TCERG1L: variants seen among roughly 807,000 people sequenced by gnomAD.
TCERG1L encodes the protein transcription elongation regulator 1-like protein.
In TCERG1L, 37 loss-of-function variants were observed where a neutral mutation model predicts 56.3. The observed-to-expected ratio is 0.66, with a 90% CI of 0.51 to 0.87. TCERG1L has a LOEUF of 0.87. Ranked by LOEUF, TCERG1L falls within the 40% of genes least tolerant of loss-of-function variation. The pLI is 0.00. For missense variants in TCERG1L, 799 were observed against 774.2 expected, an observed-to-expected ratio of 1.03 and a Z score of -0.38; for synonymous variants, 324 against 326.3, an observed-to-expected ratio of 0.99 and a Z score of 0.08.
At chr10:131,284,499 G>GA (rs1050121154) in intron 3 of TCERG1L, among the ~76,000 whole-genome samples, 12 of 148,504 alleles carry the variant, frequency 8.1e-5, no homozygotes, top group South Asian at 2.2e-4. Flanking sequence ...TTTAGGGGAA[G>GA]AAAAAAAAAC....
At chr10:131,246,420 G>A (rs1846038081) in intron 4 of TCERG1L, among the ~76,000 whole-genome samples, 1 of 152,132 alleles carries the variant, frequency 6.6e-6, no homozygotes, top group South Asian at 2.1e-4. Flanking sequence ...TCAGGCCAGG[G>A]TGGGACCCAG....
intron 7 of TCERG1L, among the ~76,000 whole-genome samples, chr10:131,142,759 T>C (rs1177649323): frequency 2.0e-5 from 3 of 152,160 alleles, no homozygotes; most frequent in African/African-American, 7.2e-5. Flanking sequence ...AAATTCCCTC[T>C]TCTGTAAAGC....
intron 3 of TCERG1L, among the ~76,000 whole-genome samples, chr10:131,263,526 T>C (rs1589765672): frequency 1.3e-5 from 2 of 152,212 alleles, no homozygotes; most frequent in Admixed American, 6.5e-5. Flanking sequence ...TATCATTACA[T>C]GGCCTTCAAA....
In TCERG1L at chr10:131,111,134, C is replaced by T. The variant is rs766821876; in HGVS notation, c.1395+5665G>A. 2.8e-4 allele frequency among the ~76,000 whole-genome samples: 40 copies of T among 143,316 alleles called. 7 individuals carry two copies. Among genetic ancestry groups the T allele is most frequent in the East Asian group, 7.1e-4 (3 of 4,248 alleles). 94.0% of individuals were successfully genotyped at this position (143,316 alleles called of 152,430 possible). A position where few individuals can be genotyped will look rare whatever the true frequency, so the allele number is the denominator to read the frequency against. ...CCTTGAGAGGGCCTCAGATCAGGGGCGCAGTCCACGGCCTCTCCAAGGAAA... is the reference window on the plus strand; with the variant it reads ...CCTTGAGAGGGCCTCAGATCAGGGGTGCAGTCCACGGCCTCTCCAAGGAAA... On this transcript the variant is annotated intron_variant, in intron 9 of 11. Coordinates refer to ENST00000368642, the MANE Select transcript of TCERG1L (RefSeq NM_174937.4).
chr10:131,116,680 A>T (rs1845462100), intron 9 of TCERG1L, 119 bp downstream of exon 9: 15 of 1,348,528 alleles, frequency 1.1e-5, no homozygotes, highest in Non-Finnish European at 1.5e-5. Flanking sequence ...AGGCCAGGAC[A>T]GTCACTCAGC....
At chr10:131,224,908 A>T (rs1845776071) in intron 4 of TCERG1L, among the ~76,000 whole-genome samples, 1 of 152,234 alleles carries the variant, frequency 6.6e-6, no homozygotes, top group African/African-American at 2.4e-5. Flanking sequence ...ATGGAATAAT[A>T]AGTAGAATGT....
intron 4 of TCERG1L, among the ~76,000 whole-genome samples, chr10:131,211,484 T>C (rs1845619127): frequency 1.3e-5 from 2 of 152,204 alleles, no homozygotes; most frequent in Non-Finnish European, 2.9e-5. Flanking sequence ...GAACCCCTTC[T>C]ATTTAGTTAC....
intron 5 of TCERG1L, among the ~76,000 whole-genome samples, chr10:131,166,501 C>T (rs1047146839): frequency 6.6e-6 from 1 of 152,242 alleles, no homozygotes; most frequent in African/African-American, 2.4e-5. Context: ...GTTTGACTAC[C>T]TTGTGTGTCT....
intron 3 of TCERG1L, among the ~76,000 whole-genome samples, chr10:131,292,861 T>A (rs1027331546): frequency 3.3e-5 from 5 of 152,070 alleles, no homozygotes; most frequent in African/African-American, 4.8e-5. Context: ...CTGGGATTTT[T>A]TTTTTTTTTG....
At chr10:131,153,748 G>A (rs1211001020) in intron 6 of TCERG1L, among the ~76,000 whole-genome samples, 2 of 152,206 alleles carry the variant, frequency 1.3e-5, no homozygotes, top group Non-Finnish European at 2.9e-5. Context: ...GCCCCAAAGT[G>A]TGGGGAAACA....
chr10:131,127,442 C>T (rs1432587814), intron 8 of TCERG1L, among the ~76,000 whole-genome samples: 2 of 152,228 alleles, frequency 1.3e-5, no homozygotes, highest in Non-Finnish European at 1.5e-5. Flanking sequence ...GAAGCAGAGG[C>T]AGACGTGAGC....
chr10:131,217,217 T>G, intron 4 of TCERG1L, among the ~76,000 whole-genome samples: 1 of 152,092 alleles, frequency 6.6e-6, no homozygotes, highest in African/African-American at 2.4e-5. Flanking sequence ...GAGTGAGTTT[T>G]CCTGAGATCT....
intron 4 of TCERG1L, among the ~76,000 whole-genome samples, chr10:131,254,994 G>C (rs1846152662): frequency 6.6e-6 from 1 of 152,152 alleles, no homozygotes; most frequent in Non-Finnish European, 1.5e-5. Flanking sequence ...GCAGAGGCTG[G>C]GCTGGAGACG....
chr10:131,098,811 C>G (rs938368132), intron 10 of TCERG1L, among the ~76,000 whole-genome samples: 1 of 152,214 alleles, frequency 6.6e-6, no homozygotes, highest in Non-Finnish European at 1.5e-5. Flanking sequence ...GCATCTGTAA[C>G]GCGCGGCCTC....
rs1033450036 is a variant in TCERG1L at position 131,260,735 on chromosome 10, A to G, written c.671-291T>C. 6.6e-6 allele frequency among the ~76,000 whole-genome samples: 1 copy of G among 152,198 alleles called. No homozygotes were observed. Among genetic ancestry groups the G allele is most frequent in the Admixed American group, 6.5e-5 (1 of 15,286 alleles). On this transcript the variant is annotated intron_variant, in intron 3 of 11. Coordinates refer to ENST00000368642, the MANE Select transcript of TCERG1L (RefSeq NM_174937.4). This position sits in a 1 kb window ranked among gnomAD's most constrained non-coding sequence, Gnocchi z 5.8. The stretch of plus-strand genomic sequence containing the variant: ...GGACGAGCCAGGACCCGGGTGCCTT[A>G]AAGAGAAACTGCTTGTCCCTGGTGC...
At chr10:131,195,926 T>C (rs1845357681) in intron 4 of TCERG1L, among the ~76,000 whole-genome samples, 1 of 152,142 alleles carries the variant, frequency 6.6e-6, no homozygotes, top group Non-Finnish European at 1.5e-5. Context: ...TGGAGCTCCT[T>C]GGAGAACACA....
chr10:131,310,186 G>C (rs1407355166), intron 1 of TCERG1L, among the ~76,000 whole-genome samples: 3 of 152,106 alleles, frequency 2.0e-5, no homozygotes, highest in African/African-American at 7.2e-5. Context: ...GTGAAAAAAT[G>C]CAGTTTTTTA....
intron 4 of TCERG1L, among the ~76,000 whole-genome samples, chr10:131,217,227 T>C (rs1845679162): frequency 6.6e-6 from 1 of 152,058 alleles, no homozygotes; most frequent in Non-Finnish European, 1.5e-5. Flanking sequence ...TCCTGAGATC[T>C]GGTCGTTTAA....
At chr10:131,152,450 A>G (rs1485452183) in intron 6 of TCERG1L, among the ~76,000 whole-genome samples, 9 of 152,196 alleles carry the variant, frequency 5.9e-5, no homozygotes, top group African/African-American at 2.2e-4. Context: ...TTCATTGTCT[A>G]TATCACTGTC....
Sources: gnomAD v4.1 joint callset for allele counts (sites outside exome capture counted in the v4.1 genomes callset) on GRCh38, gnomAD v4.1.1 for gene constraint, Gnocchi (gnomAD v3.1) non-coding constraint, MANE v1.5 for transcripts, NCBI Gene and HGNC (gene_info 2026-07-23, HGNC 2026-07-21) for gene names.